Variants in RYR2 observed in about 807,000 individuals in gnomAD.
RYR2 encodes cardiac muscle ryanodine receptor-calcium release channel.
In RYR2, 227 loss-of-function variants were observed where a neutral mutation model predicts 601.1. The observed-to-expected ratio is 0.38, with a 90% CI of 0.34 to 0.42. The LOEUF (loss-of-function observed/expected upper bound fraction) is 0.42. Among genes scored for constraint, RYR2 ranks in the 10% least tolerant of loss-of-function variants. The pLI is 1.00. For synonymous variants in RYR2, 2,223 were observed against 2,175.1 expected (o/e 1.02, Z -0.61); for missense variants, 4,646 against 6,156.5 (o/e 0.75, Z 8.21).
intron 28 of RYR2, 28 bp downstream of exon 28, chr1:237,566,803 A>G (rs767572074): frequency 1.9e-6 from 3 of 1,611,698 alleles, no homozygotes; most frequent in Non-Finnish European, 2.5e-6. Context: ...TGTGCCAGTC[A>G]TCTGTACGTG....
intron 27 of RYR2, among the ~76,000 whole-genome samples, 177 bp from the exon 28 acceptor site, chr1:237,566,390 T>C (rs957599158): frequency 6.6e-6 from 1 of 152,184 alleles, no homozygotes; most frequent in Non-Finnish European, 1.5e-5. Flanking sequence ...TGGCTGATCC[T>C]AGATCAGAAA....
chr1:237,125,399 A>G (rs1036019842), intron 1 of RYR2, among the ~76,000 whole-genome samples: 3 of 150,816 alleles, frequency 2.0e-5, no homozygotes, highest in African/African-American at 7.4e-5. Flanking sequence ...AAGCAAAGGG[A>G]TGACTTAACA....
chr1:237,308,051 G>A (rs1307989002), intron 2 of RYR2, among the ~76,000 whole-genome samples: 1 of 152,074 alleles, frequency 6.6e-6, no homozygotes, highest in Non-Finnish European at 1.5e-5. Flanking sequence ...GCCGGAACTT[G>A]CTGCGCTGCA....
chr1:237,783,639 GTTTAT>G, intron 89 of RYR2, 31 bp from the exon 90 acceptor site: 5 of 1,361,238 alleles, frequency 3.7e-6, no homozygotes, highest in Non-Finnish European at 5.1e-6. Flanking sequence ...GATTTTGTTA[GTTTAT>G]TTTAAACAAA....
intron 16 of RYR2, among the ~76,000 whole-genome samples, chr1:237,467,304 A>T (rs1475189695): frequency 6.6e-6 from 1 of 151,434 alleles, no homozygotes; most frequent in Admixed American, 6.6e-5. Context: ...ACTGAAAAGC[A>T]TGAGTTAAGT....
At chr1:237,138,681 A>T (rs1191769096) in intron 1 of RYR2, among the ~76,000 whole-genome samples, 1 of 152,262 alleles carries the variant, frequency 6.6e-6, no homozygotes, top group Non-Finnish European at 1.5e-5. Flanking sequence ...ACACATTGAC[A>T]TGCTGGCAGT....
chr1:237,783,327 T>C (rs183820735), intron 89 of RYR2, among the ~76,000 whole-genome samples: 15 of 151,014 alleles, frequency 9.9e-5, no homozygotes, highest in Non-Finnish European at 1.6e-4. Context: ...TCTAAAGGGC[T>C]GAGCAAATGT....
intron 17 of RYR2, among the ~76,000 whole-genome samples, chr1:237,479,179 T>C (rs1661749277): frequency 6.6e-6 from 1 of 152,208 alleles, no homozygotes; most frequent in African/African-American, 2.4e-5. Flanking sequence ...AGGTCTGAAG[T>C]GATTTGCTCA....
chr1:237,290,070 C>G (rs1321705386), intron 2 of RYR2, among the ~76,000 whole-genome samples: 2 of 152,256 alleles, frequency 1.3e-5, no homozygotes, highest in Non-Finnish European at 2.9e-5. Context: ...CTGTTTCTAC[C>G]CAGAGTCTTG....
chr1:237,373,374 T>C (rs1700789801), intron 6 of RYR2, among the ~76,000 whole-genome samples: 1 of 152,140 alleles, frequency 6.6e-6, no homozygotes, highest in Admixed American at 6.5e-5. Context: ...TACCAGCATA[T>C]CTGCCACCGA....
chr1:237,610,876 C>G lies in RYR2; in HGVS notation c.4798C>G (p.Pro1600Ala). 9 of 1,613,216 alleles carry G rather than the reference C, an allele frequency of 5.6e-6. No homozygotes were observed. The highest frequency in any genetic ancestry group is 7.6e-6 in the Non-Finnish European group (9 of 1,179,578). The change falls in exon 36 of 105, where the codon CCC becomes GCC. Residue 1600 changes from proline (P) to alanine (A), a missense_variant. This residue lies in a region of RYR2 where 1,807 missense variants were observed against 2,088.1 expected (regional missense o/e 0.87). Coordinates refer to ENST00000366574, the MANE Select transcript of RYR2 (RefSeq NM_001035.3). The surrounding 1 kb of genome is among the most constrained non-coding windows in gnomAD (Gnocchi z 4.9). The part of the protein sequence containing the change: ...FLSHVLWSRM[P>A]NQFLKVDVSR... Reference sequence around the variant, plus strand: ...GTCACACGTCCTGTGGAGCAGAATGCCCAACCAGTTTTTGAAGGTAGATGT... The same window carrying G: ...GTCACACGTCCTGTGGAGCAGAATGGCCAACCAGTTTTTGAAGGTAGATGT...
At chr1:237,774,983 AG>A (rs367706552) in intron 87 of RYR2, among the ~76,000 whole-genome samples, 38,753 of 149,468 alleles carry the variant, frequency 0.26, 5,745 homozygotes, top group African/African-American at 0.42. Flanking sequence ...GCAAAACTCT[AG>A]GGTGTTGTCA....
chr1:237,759,937 A>C (rs1312376499), intron 83 of RYR2, 85 bp downstream of exon 83: 1 of 818,328 alleles, frequency 1.2e-6, no homozygotes, highest in Admixed American at 2.2e-5. Flanking sequence ...CGATAATTGC[A>C]CATAGAAGAA....
At chr1:237,378,732 A>T (rs1159256576) in intron 8 of RYR2, among the ~76,000 whole-genome samples, 1 of 152,222 alleles carries the variant, frequency 6.6e-6, no homozygotes, top group South Asian at 2.1e-4. Flanking sequence ...AAGTTTGGGG[A>T]TGTTGTAAGT....
intron 1 of RYR2, among the ~76,000 whole-genome samples, chr1:237,054,429 G>A (rs1004385796): frequency 2.7e-4 from 41 of 149,430 alleles, no homozygotes; most frequent in African/African-American, 1.0e-3. Flanking sequence ...TGTCCATTTA[G>A]GTTATCTGTG....
In RYR2 at chr1:237,448,166, A is replaced by T. The variant is rs551378395; in HGVS notation, c.1292+2644A>T. Among the ~76,000 whole-genome samples, 3 of 152,170 alleles carry T rather than the reference A, an allele frequency of 2.0e-5. No individual in the cohort carries two copies. The South Asian group carries it at 6.2e-4, about 32-fold the overall frequency. ...GGTCTCGAACACCTGATCTCAAGTG[A>T]TCCACCCACCTCGGCCTCACAGAGT... On this transcript the variant is annotated intron_variant, in intron 14 of 104. Coordinates refer to ENST00000366574, the MANE Select transcript of RYR2 (RefSeq NM_001035.3).
intron 73 of RYR2, among the ~76,000 whole-genome samples, chr1:237,722,436 A>ATT (rs779062659): frequency 4.3e-5 from 6 of 141,170 alleles, no homozygotes; most frequent in Non-Finnish European, 6.2e-5. Context: ...AGTATTTTTA[A>ATT]TTTTTTTTTT....
At position 237,470,381 on chromosome 1, in the gene RYR2, T is replaced by C. The variant is rs967688374; in HGVS notation, c.1708+1194T>C. 7.9e-5 allele frequency among the ~76,000 whole-genome samples: 12 copies of C among 152,262 alleles called. No individual in the cohort carries two copies. In the South Asian group the frequency reaches 1.7e-3, roughly 21 times the overall value. ...TTGAATAGAGACAGAGAAACAACCA[T>C]GATCAGAGAGAGTAATTTTAAGTCA... On this transcript the variant is annotated intron_variant, in intron 17 of 104. Coordinates refer to ENST00000366574, the MANE Select transcript of RYR2 (RefSeq NM_001035.3).
At chr1:237,533,552 A>G (rs1441372912) in intron 25 of RYR2, among the ~76,000 whole-genome samples, 4 of 152,162 alleles carry the variant, frequency 2.6e-5, no homozygotes, top group East Asian at 1.9e-4. Context: ...CAAGTTGGCT[A>G]TAGTCTAATA....
Sources: allele counts gnomAD v4.1 joint callset (sites outside exome capture counted in the v4.1 genomes callset), GRCh38; gene constraint gnomAD v4.1.1; regional missense constraint gnomAD v4.1.1; non-coding constraint Gnocchi (gnomAD v3.1); transcripts MANE v1.5; gene names NCBI Gene and HGNC (gene_info 2026-07-23, HGNC 2026-07-21).